Variants in P2RY8 observed in about 807,000 individuals in gnomAD.
P2RY8 encodes S-geranylgeranyl-glutathione receptor P2RY8.
P2RY8 carries 6 observed loss-of-function variants against 10.0 expected under a neutral mutation model. The ratio of observed to expected loss-of-function variants is 0.60; its 90% CI spans 0.33 to 1.19. The LOEUF is 1.19. P2RY8 is among the 50% of genes most tolerant of loss of function. P2RY8 has a pLI of 0.04. For synonymous variants in P2RY8, 276 were observed against 252.5 expected (o/e 1.09, Z -0.88); for missense variants, 456 against 542.0 (o/e 0.84, Z 1.58).
chrX:1,525,607 T>G (rs1327667292), intron 1 of P2RY8, among the ~76,000 whole-genome samples: 1 of 152,124 alleles, frequency 6.6e-6, no homozygotes, highest in African/African-American at 2.4e-5. Context: ...ATTCACCTAT[T>G]GACTCAATCA....
Position 1,463,437 on chromosome X carries a change from A to C in P2RY8, c.*2042T>G, listed in dbSNP as rs185326195. Reference sequence around the variant, plus strand: ...CAGGTGTCCCTGGGCTTGTGGCCGCATCACTCCAGTCTGCCTCTGTCTCCA... The same window carrying C: ...CAGGTGTCCCTGGGCTTGTGGCCGCCTCACTCCAGTCTGCCTCTGTCTCCA... On this transcript the variant is annotated 3_prime_UTR_variant, in exon 2 of 2. Transcript: ENST00000381297. The C allele has an allele frequency of 2.0e-4, 46 of 231,902 alleles. No homozygotes were observed. In the East Asian group the frequency reaches 2.6e-3, roughly 13 times the overall value. The allele number at this position is 231,902 out of a possible 1,614,324, so 14.4% of individuals were successfully genotyped here. A position where few individuals can be genotyped will look rare whatever the true frequency, so the allele number is the denominator to read the frequency against.
chrX:1,478,066 C>A (rs2091895161), intron 1 of P2RY8, among the ~76,000 whole-genome samples: 1 of 152,080 alleles, frequency 6.6e-6, no homozygotes, highest in Admixed American at 6.6e-5. Context: ...TGAGCTAAAG[C>A]ATCTCTTGGG....
intron 1 of P2RY8, among the ~76,000 whole-genome samples, chrX:1,514,858 TC>T (rs1569538377): frequency 1.4e-3 from 3 of 2,202 alleles, no homozygotes; most frequent in Admixed American, 8.3e-3. Flanking sequence ...TCCCTCCCCC[TC>T]CCCCTCCCCT....
chrX:1,528,780 G>A (rs2092455437), intron 1 of P2RY8, among the ~76,000 whole-genome samples: 1 of 152,196 alleles, frequency 6.6e-6, no homozygotes, highest in South Asian at 2.1e-4. Flanking sequence ...CTGTTTGAAT[G>A]AGTATGGATT....
chrX:1,481,617 C>G (rs1569536927), intron 1 of P2RY8, among the ~76,000 whole-genome samples: 1 of 151,864 alleles, frequency 6.6e-6, no homozygotes, highest in Non-Finnish European at 1.5e-5. Context: ...GAGAGTCCAG[C>G]TTTGGGATTA....
At chrX:1,525,434 C>T (rs1245563927) in intron 1 of P2RY8, among the ~76,000 whole-genome samples, 18 of 152,060 alleles carry the variant, frequency 1.2e-4, no homozygotes, top group African/African-American at 4.1e-4. Context: ...AAGACAGAGG[C>T]AGAGATTGGA....
intron 1 of P2RY8, among the ~76,000 whole-genome samples, chrX:1,512,444 G>A (rs2092305268): frequency 6.6e-6 from 1 of 151,502 alleles, no homozygotes; most frequent in South Asian, 2.1e-4. Flanking sequence ...CTACTCGGGA[G>A]GCTGAAGCAG....
chrX:1,481,550 G>C lies in P2RY8; in HGVS notation c.-24-14968C>G, dbSNP rs1438623204. The stretch of plus-strand genomic sequence containing the variant: ...CCCAGCTTTGGGTTTAAGGAGCCCA[G>C]CTTTGGGTTTAGGAGAGTCCAGCTT... On this transcript the variant is annotated intron_variant, in intron 1 of 1. Coordinates refer to ENST00000381297, the MANE Select transcript of P2RY8 (RefSeq NM_178129.5). 4.0e-5 allele frequency among the ~76,000 whole-genome samples: 6 copies of C among 151,774 alleles called. No homozygotes were observed. The East Asian group carries it at 9.7e-4, about 24-fold the overall frequency.
At chrX:1,524,592 TCCATTCA>T (rs2092421377) in intron 1 of P2RY8, among the ~76,000 whole-genome samples, 1 of 139,496 alleles carries the variant, frequency 7.2e-6, no homozygotes, top group Non-Finnish European at 1.6e-5. Flanking sequence ...CATCCATCCA[TCCATTCA>T]TCCATCTATC....
chrX:1,517,837 G>C (rs867264818), intron 1 of P2RY8, among the ~76,000 whole-genome samples: 1 of 152,116 alleles, frequency 6.6e-6, no homozygotes, highest in African/African-American at 2.4e-5. Context: ...GGCCACACGC[G>C]GTGGCTCACG....
At chrX:1,516,754 A>C in intron 1 of P2RY8, among the ~76,000 whole-genome samples, 1 of 151,972 alleles carries the variant, frequency 6.6e-6, no homozygotes, top group Middle Eastern at 3.4e-3. Flanking sequence ...AGAACATCTC[A>C]TAAGAAGAGG....
intron 1 of P2RY8, among the ~76,000 whole-genome samples, chrX:1,509,056 C>CATCTATGT (rs1385837720): frequency 0.15 from 14,469 of 95,608 alleles, no homozygotes; most frequent in Middle Eastern, 0.18. Flanking sequence ...TCTATCTATG[C>CATCTATGT]ATCTATCTAT....
chrX:1,463,583 C>T lies in P2RY8; in HGVS notation c.*1896G>A, dbSNP rs28609053. The T allele has an allele frequency of 0.079, 18,495 of 232,812 alleles. 1,341 individuals carry two copies. Among genetic ancestry groups the T allele is most frequent in the African/African-American group, 0.23 (10,227 of 45,378 alleles). 14.4% of individuals were successfully genotyped at this position (232,812 alleles called of 1,614,324 possible). A position where few individuals can be genotyped will look rare whatever the true frequency, so the allele number is the denominator to read the frequency against. ...ATCTTCATATCCTTAAGTAATTACA[C>T]ATGCAAAGTTCCTTATTACCGAATA... On this transcript the variant is annotated 3_prime_UTR_variant, in exon 2 of 2. Transcript: ENST00000381297.
At chrX:1,470,397 C>T (rs2091769798) in intron 1 of P2RY8, among the ~76,000 whole-genome samples, 1 of 152,050 alleles carries the variant, frequency 6.6e-6, no homozygotes, top group Non-Finnish European at 1.5e-5. Flanking sequence ...TGCCTGTAAT[C>T]CCAGCTACTC....
intron 1 of P2RY8, among the ~76,000 whole-genome samples, chrX:1,512,546 C>CAAG (rs2092306538): frequency 1.0e-5 from 1 of 97,082 alleles, no homozygotes; most frequent in Non-Finnish European, 1.9e-5. Context: ...GACTCCGTCT[C>CAAG]AAAAAAAAAA....
chrX:1,469,859 A>G (rs2091761559), intron 1 of P2RY8, among the ~76,000 whole-genome samples: 1 of 152,056 alleles, frequency 6.6e-6, no homozygotes, highest in Non-Finnish European at 1.5e-5. Context: ...AGATCGCACC[A>G]CTGTACTCCA....
At chrX:1,480,613 T>C (rs758198235) in intron 1 of P2RY8, among the ~76,000 whole-genome samples, 3 of 151,248 alleles carry the variant, frequency 2.0e-5, no homozygotes, top group South Asian at 2.1e-4. Context: ...TAAGTGGGAG[T>C]TGAACAATGA....
chrX:1,509,343 T>TCATC (rs745416588), intron 1 of P2RY8, among the ~76,000 whole-genome samples: 4,143 of 138,114 alleles, frequency 0.03, 179 homozygotes, highest in African/African-American at 0.1. Context: ...TATCTATCCA[T>TCATC]CATCCATCCA....
Position 1,523,144 on chromosome X carries a change from A to AG in P2RY8, c.-25+13776_-25+13777insC, listed in dbSNP as rs199625260. The stretch of plus-strand genomic sequence containing the variant: ...AAAACAAAAATTGAAAAAAATAAAA[A>AG]AAAGATATAGCAAATAGTTTGGAGT... On this transcript the variant is annotated intron_variant, in intron 1 of 1. Coordinates refer to ENST00000381297, the MANE Select transcript of P2RY8 (RefSeq NM_178129.5). Among the ~76,000 whole-genome samples the AG allele has an allele frequency of 6.7e-3, 1,014 of 152,042 alleles. 14 individuals carry two copies. Among genetic ancestry groups the AG allele is most frequent in the African/African-American group, 0.023 (959 of 41,452 alleles).
Sources: gnomAD v4.1 joint callset for allele counts (sites outside exome capture counted in the v4.1 genomes callset) on GRCh38, gnomAD v4.1.1 for gene constraint, MANE v1.5 for transcripts, NCBI Gene and HGNC (gene_info 2026-07-23, HGNC 2026-07-21) for gene names.